The following MRPL34 variants were observed in gnomAD, a reference collection of about 807,000 sequenced individuals.
The protein encoded by MRPL34 is large ribosomal subunit protein bL34m.
MRPL34 carries 8 observed loss-of-function variants against 6.7 expected under a neutral mutation model. The observed-to-expected ratio is 1.20, with a 90% CI of 0.70 to 2.16. The LOEUF (loss-of-function observed/expected upper bound fraction) is 2.16, where lower values mean the gene tolerates loss of function less well. Ranked by LOEUF, MRPL34 falls within the 30% of genes most tolerant of loss-of-function variation. The pLI, the probability that MRPL34 is intolerant of heterozygous loss-of-function variation, is 0.00. For missense variants in MRPL34, 146 were observed against 125.5 expected, an observed-to-expected ratio of 1.16 and a Z score of -0.78; for synonymous variants, 59 against 55.1, an observed-to-expected ratio of 1.07 and a Z score of -0.31.
upstream of MRPL34, among the ~76,000 whole-genome samples, chr19:17,305,455 G>A (rs934118097): frequency 1.3e-5 from 2 of 152,182 alleles, no homozygotes; most frequent in Non-Finnish European, 2.9e-5. Context: ...GCTGCAGCCA[G>A]GACAAGCTGC....
intron 1 of MRPL34, 74 bp downstream of exon 1, chr19:17,306,031 G>A: frequency 6.3e-7 from 1 of 1,578,320 alleles, no homozygotes; most frequent in Non-Finnish European, 8.7e-7. Flanking sequence ...ACTCTTCACT[G>A]CCCGCGTGAC....
upstream of MRPL34, among the ~76,000 whole-genome samples, chr19:17,299,888 CCG>C (rs2074109767): frequency 6.7e-6 from 1 of 149,538 alleles, no homozygotes; most frequent in African/African-American, 2.4e-5. Flanking sequence ...ATGTGCACCA[CCG>C]CGCGTGGTGG....
chr19:17,306,344 C>T lies in MRPL34; in HGVS notation c.244C>T (p.Arg82Ter). The change falls in exon 2 of 2, where the codon CGA becomes TGA. Residue 82 changes from arginine (R) to a stop codon, truncating the protein, a stop_gained. Transcript: ENST00000252602. LOFTEE classifies it high-confidence loss of function. ...TPAGVQVILR[R>*]MLKGRKSLSH ...GGCCGGCGTGCAGGTCATCCTTCGC[C>T]GAATGCTCAAGGGCCGCAAGTCGCT... 1 of 1,608,460 alleles carries T rather than the reference C, an allele frequency of 6.2e-7. No homozygotes were observed. Among genetic ancestry groups the T allele is most frequent in the Non-Finnish European group, 8.5e-7 (1 of 1,178,720 alleles).
At chr19:17,301,178 G>T (rs781494346), upstream of MRPL34, 2 of 1,605,828 alleles carry the variant, frequency 1.2e-6, no homozygotes, top group Non-Finnish European at 1.7e-6. Flanking sequence ...CGCCGCCGCC[G>T]CCCACCACTG....
At chr19:17,305,349 T>C (rs1453932999), upstream of MRPL34, among the ~76,000 whole-genome samples, 2 of 151,342 alleles carry the variant, frequency 1.3e-5, no homozygotes, top group African/African-American at 4.9e-5. Flanking sequence ...AGTTTACAGA[T>C]TGAGAAAGCC....
chr19:17,305,088 GGA>G (rs1448845047), upstream of MRPL34, among the ~76,000 whole-genome samples: 9 of 152,154 alleles, frequency 5.9e-5, no homozygotes, highest in Admixed American at 3.9e-4. Flanking sequence ...CAGGCAGAGA[GGA>G]GAGTGTGGCT....
chr19:17,301,460 G>T, upstream of MRPL34: 1 of 1,611,684 alleles, frequency 6.2e-7, no homozygotes. Context: ...GCAGCGGCTG[G>T]GGCGGGTCCT....
upstream of MRPL34, chr19:17,303,185 C>A (rs1227359936): frequency 6.6e-6 from 1 of 152,370 alleles, no homozygotes; most frequent in East Asian, 1.9e-4. Flanking sequence ...CACCACTCCT[C>A]CGAAGTGGAG....
chr19:17,305,963 T>C lies in MRPL34; in HGVS notation c.65+6T>C. 1 of 1,613,984 alleles carries C rather than the reference T, an allele frequency of 6.2e-7. No individual in the cohort carries two copies. The highest frequency in any genetic ancestry group is 8.5e-7 in the Non-Finnish European group (1 of 1,179,948). On this transcript the variant is annotated splice_donor_region_variant and intron_variant, in intron 1 of 1. Transcript: ENST00000252602. ...GCAGCGTTGCTGGGTGGCAGGTAAG[T>C]CCTCAGGGGGACCCTTCCCCAAATC...
chr19:17,303,714 GC>G (rs1039929661), upstream of MRPL34, among the ~76,000 whole-genome samples: 83 of 152,184 alleles, frequency 5.5e-4, no homozygotes, highest in African/African-American at 1.9e-3. Flanking sequence ...CCAAGCCCTT[GC>G]CCCCCAGCCC....
chr19:17,301,374 C>A (rs1286889482), upstream of MRPL34: 3 of 1,611,118 alleles, frequency 1.9e-6, no homozygotes, highest in Non-Finnish European at 8.5e-7. Context: ...ACACGGTGAT[C>A]CGGCGCTGAC....
chr19:17,296,554 G>C (rs2074094484), intron 1 of MRPL34: 1 of 152,168 alleles, frequency 6.6e-6, no homozygotes, highest in African/African-American at 2.4e-5. Context: ...AAGATGGAAG[G>C]CCTGAGAAGC....
chr19:17,298,606 T>C (rs928660398), upstream of MRPL34, among the ~76,000 whole-genome samples: 3 of 152,200 alleles, frequency 2.0e-5, no homozygotes, highest in African/African-American at 7.2e-5. Flanking sequence ...TTGACTGTCA[T>C]GATCAACACT....
At chr19:17,301,367 C>T (rs1336758703), upstream of MRPL34, 1 of 1,610,798 alleles carries the variant, frequency 6.2e-7, no homozygotes, top group Non-Finnish European at 8.5e-7. Flanking sequence ...TTGCGGTACA[C>T]GGTGATCCGG....
At position 17,306,156 on chromosome 19, in the gene MRPL34, A is replaced by C; in HGVS notation, c.66-10A>C. The stretch of plus-strand genomic sequence containing the variant: ...GTCTGACCTTTCTCGCCGTCCCTCT[A>C]CCCACGCAGGTGGCTCCAGCCCCGG... On this transcript the variant is annotated splice_polypyrimidine_tract_variant and intron_variant, in intron 1 of 1. Coordinates refer to ENST00000252602, the MANE Select transcript of MRPL34 (RefSeq NM_023937.4). 6.6e-7 allele frequency: 1 copy of C among 1,517,460 alleles called. No individual in the cohort carries two copies. The allele number at this position is 1,517,460 out of a possible 1,614,324, so 94.0% of individuals were successfully genotyped here. A position where few individuals can be genotyped will look rare whatever the true frequency, so the allele number is the denominator to read the frequency against.
At chr19:17,305,800 A>G (rs745359795), upstream of MRPL34, 3 of 1,337,856 alleles carry the variant, frequency 2.2e-6, no homozygotes, top group African/African-American at 4.3e-5. Flanking sequence ...ACGTTAGGAG[A>G]AACTACATTT....
upstream of MRPL34, chr19:17,305,861 C>T (rs1320020217): frequency 1.9e-6 from 3 of 1,611,966 alleles, no homozygotes; most frequent in Non-Finnish European, 2.5e-6. Context: ...CCGGAATCGC[C>T]CGCAGCCGGT....
rs572564264 is a variant in MRPL34, at chr19:17,294,966, C to T, written c.214+2112C>T. On this transcript the variant is annotated intron_variant, in intron 1 of 2. Coordinates refer to the MRPL34 transcript ENST00000595444. ...TTTGAGACAGTTTTACTCTGTCCCC[C>T]AGGCTGGAATGCAGTGGCTCCATCT... 1.8e-4 allele frequency: 225 copies of T among 1,261,720 alleles called. No homozygotes were observed. In the Middle Eastern group the frequency reaches 2.0e-3, roughly 11 times the overall value. The allele number at this position is 1,261,720 out of a possible 1,614,324, so 78.2% of individuals were successfully genotyped here. A position where few individuals can be genotyped will look rare whatever the true frequency, so the allele number is the denominator to read the frequency against.
chr19:17,302,740 C>T (rs1490094366), upstream of MRPL34: 1 of 152,268 alleles, frequency 6.6e-6, no homozygotes, highest in East Asian at 1.9e-4. Context: ...AGAGGCAGGG[C>T]CCTGGCTGGG....
Sources: allele counts gnomAD v4.1 joint callset (sites outside exome capture counted in the v4.1 genomes callset), GRCh38; gene constraint gnomAD v4.1.1; transcripts MANE v1.5; gene names NCBI Gene and HGNC (gene_info 2026-07-23, HGNC 2026-07-21).